Variants in TBCK observed in about 807,000 individuals in gnomAD.
TBCK encodes the protein TBC domain-containing protein kinase-like protein.
Under a neutral mutation model 113.4 loss-of-function variants are expected in TBCK, and 99 were observed. The observed-to-expected ratio is 0.87, with a 90% CI of 0.74 to 1.03. The LOEUF is 1.03. TBCK is among the 50% of genes least tolerant of loss of function. The pLI is 0.00. For missense variants in TBCK, 1,045 were observed against 1,061.3 expected (o/e 0.98, Z 0.21); for synonymous variants, 369 against 370.8 (o/e 1.00, Z 0.05).
intron 3 of TBCK, among the ~76,000 whole-genome samples, chr4:106,283,772 A>C (rs888842819): frequency 2.6e-5 from 4 of 152,094 alleles, no homozygotes; most frequent in Non-Finnish European, 4.4e-5. Flanking sequence ...AAAAAAAAGA[A>C]ATGGAGAACC....
At chr4:106,050,451 C>G (rs1734681058) in intron 25 of TBCK, among the ~76,000 whole-genome samples, 1 of 151,992 alleles carries the variant, frequency 6.6e-6, no homozygotes, top group Non-Finnish European at 1.5e-5. Flanking sequence ...AGCAACTCAA[C>G]TTTCAGATTT....
Position 106,135,520 on chromosome 4 carries a change from G to A in TBCK, c.2236-19142C>T, listed in dbSNP as rs921183745. Reference sequence around the variant, plus strand: ...CATACTATGAGAACTCAGGGAAAGAGTGAAACACAATATGGGCAGAAGTAG... The same window carrying A: ...CATACTATGAGAACTCAGGGAAAGAATGAAACACAATATGGGCAGAAGTAG... On this transcript the variant is annotated intron_variant, in intron 23 of 25. Transcript: ENST00000394708. 1.9e-4 allele frequency among the ~76,000 whole-genome samples: 20 copies of A among 107,580 alleles called. 2 individuals carry two copies. Among genetic ancestry groups the A allele is most frequent in the Admixed American group, 6.9e-4 (8 of 11,588 alleles). 70.6% of individuals were successfully genotyped at this position (107,580 alleles called of 152,430 possible). A position where few individuals can be genotyped will look rare whatever the true frequency, so the allele number is the denominator to read the frequency against.
chr4:106,204,751 A>ATTTTTTT lies in TBCK; in HGVS notation c.1860+7992_1860+7998dup, dbSNP rs34775295. 1.4e-3 allele frequency among the ~76,000 whole-genome samples: 125 copies of ATTTTTTT among 87,276 alleles called. 8 individuals carry two copies. In the South Asian group the frequency reaches 0.021, roughly 15 times the overall value. 57.3% of individuals were successfully genotyped at this position (87,276 alleles called of 152,430 possible). Reference sequence around the variant, plus strand: ...TTGAAAGAATGACAGACAAACAATGATTTTTTTTTTTTTTTTTTTTTTTTT... The same window carrying ATTTTTTT: ...TTGAAAGAATGACAGACAAACAATGATTTTTTTTTTTTTTTTTTTTTTTTTTTTTTTT... On this transcript the variant is annotated intron_variant, in intron 20 of 25. Transcript: ENST00000394708.
intron 23 of TBCK, among the ~76,000 whole-genome samples, chr4:106,122,224 C>T (rs879553261): frequency 1.3e-3 from 201 of 151,988 alleles, no homozygotes; most frequent in Middle Eastern, 3.4e-3. Context: ...ATACAAACTA[C>T]CATCAGAGAA....
At chr4:106,307,065 A>C (rs1245296224) in intron 2 of TBCK, among the ~76,000 whole-genome samples, 2 of 152,168 alleles carry the variant, frequency 1.3e-5, no homozygotes, top group East Asian at 3.9e-4. Context: ...TATTTACAGC[A>C]CTAGGTATGT....
intron 25 of TBCK, among the ~76,000 whole-genome samples, chr4:106,066,589 C>A (rs7679603): frequency 0.063 from 9,500 of 151,900 alleles, 349 homozygotes; most frequent in Non-Finnish European, 0.08. Flanking sequence ...GTTTTAAGTA[C>A]GCTTGCAATA....
At position 106,248,991 on chromosome 4, in the gene TBCK, C is replaced by A; in HGVS notation, c.659-9G>T. 1 of 1,577,904 alleles carries A rather than the reference C, an allele frequency of 6.3e-7. No homozygotes were observed. Among genetic ancestry groups the A allele is most frequent in the Non-Finnish European group, 8.6e-7 (1 of 1,162,390 alleles). On this transcript the variant is annotated splice_polypyrimidine_tract_variant and intron_variant, in intron 7 of 25. Transcript: ENST00000394708. Reference sequence around the variant, plus strand: ...AGTGTCATCTACACAATCTATAAAACAGAAAAACTATATGAATAAATGCTA... The same window carrying A: ...AGTGTCATCTACACAATCTATAAAAAAGAAAAACTATATGAATAAATGCTA...
At chr4:106,141,666 T>C (rs1747156899) in intron 23 of TBCK, among the ~76,000 whole-genome samples, 1 of 140,298 alleles carries the variant, frequency 7.1e-6, no homozygotes, top group Admixed American at 7.1e-5. Flanking sequence ...GGCTAAAATA[T>C]CTAGTAATAA....
chr4:106,093,431 T>C (rs1258230647), intron 25 of TBCK, among the ~76,000 whole-genome samples: 1 of 152,116 alleles, frequency 6.6e-6, no homozygotes, highest in Non-Finnish European at 1.5e-5. Context: ...GGTGTGAATC[T>C]GGGAGATGGA....
chr4:106,191,510 G>T (rs72891625), intron 22 of TBCK, among the ~76,000 whole-genome samples: 4,091 of 152,146 alleles, frequency 0.027, 177 homozygotes, highest in African/African-American at 0.094. Context: ...AATGTAAATG[G>T]AAAGGAAGAA....
intron 19 of TBCK, among the ~76,000 whole-genome samples, chr4:106,216,830 C>G (rs1197426765): frequency 6.6e-6 from 1 of 150,858 alleles, no homozygotes; most frequent in Middle Eastern, 3.4e-3. Context: ...CTATTCCAAT[C>G]AATAGAAAAA....
chr4:106,102,000 T>C (rs1362689623), intron 24 of TBCK, among the ~76,000 whole-genome samples: 1 of 152,204 alleles, frequency 6.6e-6, no homozygotes, highest in Non-Finnish European at 1.5e-5. Flanking sequence ...TCTCAAAATA[T>C]ACTGAAGAAC....
At chr4:106,164,363 T>G (rs1009899264) in intron 23 of TBCK, 1 of 152,164 alleles carries the variant, frequency 6.6e-6, no homozygotes, top group Non-Finnish European at 1.5e-5. Context: ...AAAAAAAGGA[T>G]ACATAATTGT....
At chr4:106,292,926 C>A (rs1274950010) in intron 3 of TBCK, among the ~76,000 whole-genome samples, 1 of 152,188 alleles carries the variant, frequency 6.6e-6, no homozygotes, top group Non-Finnish European at 1.5e-5. Context: ...ATGGGGGTGG[C>A]AAGTGAACAC....
chr4:106,123,496 T>C (rs1744728462), intron 23 of TBCK, among the ~76,000 whole-genome samples: 1 of 152,166 alleles, frequency 6.6e-6, no homozygotes, highest in African/African-American at 2.4e-5. Flanking sequence ...TACCAATGAC[T>C]TTCTTCACAG....
chr4:106,265,309 C>T (rs752886493), intron 3 of TBCK, among the ~76,000 whole-genome samples: 6 of 151,888 alleles, frequency 4.0e-5, no homozygotes, highest in Non-Finnish European at 8.8e-5. Context: ...TTGATACAGG[C>T]ACAAAATGAG....
intron 24 of TBCK, among the ~76,000 whole-genome samples, chr4:106,107,111 A>G (rs554154076): frequency 6.6e-6 from 1 of 152,314 alleles, no homozygotes; most frequent in East Asian, 1.9e-4. Context: ...TATGAACCCA[A>G]TACAGGAGCA....
intron 19 of TBCK, among the ~76,000 whole-genome samples, chr4:106,218,136 T>G (rs1268476045): frequency 6.9e-6 from 1 of 144,444 alleles, no homozygotes; most frequent in African/African-American, 2.6e-5. Flanking sequence ...CCCTATTTAA[T>G]AAATGGTGCT....
intron 23 of TBCK, among the ~76,000 whole-genome samples, chr4:106,123,044 A>G (rs556602333): frequency 6.6e-6 from 1 of 152,174 alleles, no homozygotes; most frequent in Non-Finnish European, 1.5e-5. Context: ...GGCAGGAGAA[A>G]GAAATAAAGG....
Sources: gnomAD v4.1 joint callset for allele counts (sites outside exome capture counted in the v4.1 genomes callset) on GRCh38, gnomAD v4.1.1 for gene constraint, MANE v1.5 for transcripts, NCBI Gene and HGNC (gene_info 2026-07-23, HGNC 2026-07-21) for gene names.